ITSN1: variants seen among roughly 807,000 people sequenced by gnomAD.
ITSN1 encodes intersectin-1.
A neutral mutation model predicts 239.8 loss-of-function variants in ITSN1; 58 were observed. That is an observed-to-expected ratio of 0.24 (90% CI 0.20 to 0.30). The LOEUF (loss-of-function observed/expected upper bound fraction) is 0.30, where lower values mean the gene tolerates loss of function less well. Among genes scored for constraint, ITSN1 ranks in the 10% least tolerant of loss-of-function variants. ITSN1 has a pLI of 1.00. For missense variants in ITSN1, 1,558 were observed against 2,103.3 expected, an observed-to-expected ratio of 0.74 and a Z score of 5.07; for synonymous variants, 780 against 770.8, an observed-to-expected ratio of 1.01 and a Z score of -0.20.
intron 1 of ITSN1, among the ~76,000 whole-genome samples, chr21:33,691,306 T>C (rs2091535520): frequency 6.6e-6 from 1 of 152,188 alleles, no homozygotes; most frequent in South Asian, 2.1e-4. Context: ...ATTTACTGGA[T>C]TATAATGGTG....
At chr21:33,814,451 T>G in intron 22 of ITSN1, 1 of 201,714 alleles carries the variant, frequency 5.0e-6, no homozygotes. Flanking sequence ...CACATACCCC[T>G]CCATTTGTCT....
chr21:33,826,676 G>T, intron 25 of ITSN1, 142 bp from the exon 26 acceptor site: 1 of 658,536 alleles, frequency 1.5e-6, no homozygotes, highest in Non-Finnish European at 2.7e-6. Context: ...ATATCCTTGT[G>T]TCAGGTGATA....
chr21:33,816,211 T>C (rs1320234914), intron 22 of ITSN1, among the ~76,000 whole-genome samples: 1 of 151,826 alleles, frequency 6.6e-6, no homozygotes, highest in East Asian at 1.9e-4. Flanking sequence ...AAAAAAGAAT[T>C]GCCTGGCTTA....
intron 1 of ITSN1, among the ~76,000 whole-genome samples, chr21:33,679,166 CTTTGT>C (rs1170985496): frequency 2.0e-5 from 3 of 152,114 alleles, no homozygotes; most frequent in African/African-American, 7.2e-5. Context: ...AAGCCAAAGC[CTTTGT>C]ATAACCTTAT....
At chr21:33,693,049 G>A (rs2146688869) in intron 1 of ITSN1, among the ~76,000 whole-genome samples, 1 of 152,134 alleles carries the variant, frequency 6.6e-6, no homozygotes, top group African/African-American at 2.4e-5. Context: ...CGCCCACCTC[G>A]CCTCCCGAAG....
intron 1 of ITSN1, among the ~76,000 whole-genome samples, chr21:33,710,076 T>C (rs562760027): frequency 6.6e-6 from 1 of 151,410 alleles, no homozygotes; most frequent in Admixed American, 6.6e-5. Flanking sequence ...GAGGCATTTT[T>C]TTTTGTTTTT....
intron 20 of ITSN1, among the ~76,000 whole-genome samples, chr21:33,809,582 T>G (rs2072742003): frequency 1.3e-5 from 2 of 152,248 alleles, no homozygotes; most frequent in African/African-American, 4.8e-5. Context: ...TAATTTTTAC[T>G]GAATACTTGA....
chr21:33,854,618 A>G (rs1325186808), intron 29 of ITSN1, among the ~76,000 whole-genome samples: 1 of 152,256 alleles, frequency 6.6e-6, no homozygotes, highest in Non-Finnish European at 1.5e-5. Context: ...CTCACACAGC[A>G]GCTTGGCTGA....
In ITSN1 at chr21:33,747,111, G is replaced by A. The variant is rs189708992; in HGVS notation, c.347-3032G>A. ...GGAGGCTGCAGTGAGCCAAGACCAC[G>A]CCACTGCACTCCAGCCTGGGCAACA... On this transcript the variant is annotated intron_variant, in intron 5 of 39. Coordinates refer to ENST00000381318, the MANE Select transcript of ITSN1 (RefSeq NM_003024.3). Among the ~76,000 whole-genome samples the A allele has an allele frequency of 3.9e-5, 6 of 152,270 alleles. No homozygotes were observed. The East Asian group carries it at 5.8e-4, about 15-fold the overall frequency.
At chr21:33,870,310 A>T (rs1982490688) in intron 33 of ITSN1, among the ~76,000 whole-genome samples, 1 of 152,226 alleles carries the variant, frequency 6.6e-6, no homozygotes, top group Non-Finnish European at 1.5e-5. Flanking sequence ...CTTTTAAAAT[A>T]GGTGTTCTAT....
chr21:33,735,002 T>G (rs988496601), intron 4 of ITSN1, 42 bp from the exon 5 acceptor site: 40 of 1,557,290 alleles, frequency 2.6e-5, no homozygotes, highest in African/African-American at 5.5e-5. Context: ...AAAGGTTCTT[T>G]TATGGTCACA....
rs1331621451 is a variant in ITSN1, at chr21:33,866,290, A to G, written c.4075-943A>G. ...CACTCTGAGGTCATTCCAAGGGGAG[A>G]AAGATTGCTAAGAAGGAGGCCTTGG... On this transcript the variant is annotated intron_variant, in intron 32 of 39. Transcript: ENST00000381318. Among the ~76,000 whole-genome samples the G allele has an allele frequency of 2.6e-5, 4 of 152,108 alleles. No individual in the cohort carries two copies. In the East Asian group the frequency reaches 7.7e-4, roughly 29 times the overall value.
intron 4 of ITSN1, among the ~76,000 whole-genome samples, chr21:33,724,411 C>T (rs2065691519): frequency 6.6e-6 from 1 of 152,180 alleles, no homozygotes; most frequent in African/African-American, 2.4e-5. Context: ...CCTGTTCTGT[C>T]AGTTAAATGT....
chr21:33,827,956 TAGTC>T (rs1367140795), intron 26 of ITSN1, among the ~76,000 whole-genome samples: 4 of 152,232 alleles, frequency 2.6e-5, no homozygotes, highest in Non-Finnish European at 5.9e-5. Flanking sequence ...GATTTTATTT[TAGTC>T]AGATAAATAC....
intron 1 of ITSN1, among the ~76,000 whole-genome samples, chr21:33,710,596 G>T (rs560497660): frequency 6.6e-6 from 1 of 151,716 alleles, no homozygotes; most frequent in African/African-American, 2.4e-5. Context: ...AATGATTTTT[G>T]TATCTGTATT....
rs982488799 is a variant in ITSN1, at chr21:33,797,951, G to C, written c.2182+343G>C. Among the ~76,000 whole-genome samples, 2 of 152,222 alleles carry C rather than the reference G, an allele frequency of 1.3e-5. No homozygotes were observed. The highest frequency in any genetic ancestry group is 4.8e-5 in the African/African-American group (2 of 41,462). On this transcript the variant is annotated intron_variant, in intron 18 of 39. Transcript: ENST00000381318. The surrounding 1 kb of genome is among the most constrained non-coding windows in gnomAD (Gnocchi z 4.9). Reference sequence around the variant, plus strand: ...TCCCTGGAATTTCTGAGCTGTTTCTGCAACAGAAAGTGGCACCTTTCACCC... The same window carrying C: ...TCCCTGGAATTTCTGAGCTGTTTCTCCAACAGAAAGTGGCACCTTTCACCC...
chr21:33,681,334 G>T (rs1327518983), intron 1 of ITSN1, among the ~76,000 whole-genome samples: 1 of 152,176 alleles, frequency 6.6e-6, no homozygotes, highest in African/African-American at 2.4e-5. Flanking sequence ...GAATTAACTA[G>T]TTACATCTTT....
chr21:33,835,828 G>A (rs918126134), intron 28 of ITSN1, among the ~76,000 whole-genome samples: 1 of 152,212 alleles, frequency 6.6e-6, no homozygotes, highest in South Asian at 2.1e-4. Flanking sequence ...CTACTCAAGA[G>A]GCTGAGGTAG....
chr21:33,766,192 A>T (rs2068710750), intron 10 of ITSN1, among the ~76,000 whole-genome samples, 180 bp downstream of exon 10: 1 of 152,246 alleles, frequency 6.6e-6, no homozygotes, highest in Non-Finnish European at 1.5e-5. Flanking sequence ...TCTTCAAAGT[A>T]CTTGAAGTAT....
Sources: allele counts gnomAD v4.1 joint callset (sites outside exome capture counted in the v4.1 genomes callset), GRCh38; gene constraint gnomAD v4.1.1; non-coding constraint Gnocchi (gnomAD v3.1); transcripts MANE v1.5; gene names NCBI Gene and HGNC (gene_info 2026-07-23, HGNC 2026-07-21).